Variants in BTBD8 observed in about 807,000 individuals in gnomAD.
The protein encoded by BTBD8 is BTB domain containing 8.
Under a neutral mutation model 162.9 loss-of-function variants are expected in BTBD8, and 110 were observed. The ratio of observed to expected loss-of-function variants is 0.68; its 90% CI spans 0.58 to 0.79. The LOEUF (loss-of-function observed/expected upper bound fraction) is 0.79, where lower values mean the gene tolerates loss of function less well. Ranked by LOEUF, BTBD8 falls within the 30% of genes least tolerant of loss-of-function variation. The probability of loss-of-function intolerance (pLI) is 0.00; values close to 1 mark genes in which losing one functional copy is unlikely to be tolerated. For missense variants in BTBD8, 1,905 were observed against 2,085.4 expected, an observed-to-expected ratio of 0.91 and a Z score of 1.68; for synonymous variants, 667 against 716.1, an observed-to-expected ratio of 0.93 and a Z score of 1.10.
In BTBD8 at chr1:92,182,495, A is replaced by G; in HGVS notation, c.4812A>G (p.Lys1604=). The stretch of plus-strand genomic sequence containing the variant: ...ACATACCAAAGAACAGCTCTACAAA[A>G]TCTCTAGACTCCTTTCGGAGTCAAG... The part of the protein sequence containing the change: ...NSDIPKNSST[K]SLDSFRSQVL... The change falls in exon 17 of 18, where the codon AAA becomes AAG. Residue 1604 remains lysine (K), a synonymous_variant. Transcript: ENST00000636805. 6.4e-7 allele frequency: 1 copy of G among 1,551,032 alleles called. No individual in the cohort carries two copies.
chr1:92,177,960 T>C, intron 15 of BTBD8, 62 bp downstream of exon 15: 1 of 722,174 alleles, frequency 1.4e-6, no homozygotes, highest in Non-Finnish European at 2.3e-6. Flanking sequence ...AATTATATAC[T>C]AACTGCTAGC....
At chr1:92,084,719 C>G (rs925175819) in intron 1 of BTBD8, among the ~76,000 whole-genome samples, 1 of 152,184 alleles carries the variant, frequency 6.6e-6, no homozygotes, top group Non-Finnish European at 1.5e-5. Context: ...TTTGCTGGCT[C>G]TGGGTCTCTT....
chr1:92,082,198 A>G (rs1648036829), intron 1 of BTBD8, among the ~76,000 whole-genome samples: 1 of 151,526 alleles, frequency 6.6e-6, no homozygotes. Context: ...TAAACAAAGA[A>G]AAATAGATGT....
chr1:92,169,928 A>G (rs1650488725), intron 12 of BTBD8, among the ~76,000 whole-genome samples: 1 of 152,180 alleles, frequency 6.6e-6, no homozygotes. Context: ...TATGAGAAGA[A>G]TCTCTTAGAA....
intron 5 of BTBD8, among the ~76,000 whole-genome samples, chr1:92,131,552 C>T (rs1414852262): frequency 1.3e-5 from 2 of 152,042 alleles, no homozygotes; most frequent in Non-Finnish European, 2.9e-5. Flanking sequence ...GGTGAAACCA[C>T]GTCTCTACTA....
chr1:92,096,293 CTT>C (rs1292683598), intron 2 of BTBD8, among the ~76,000 whole-genome samples: 1 of 152,154 alleles, frequency 6.6e-6, no homozygotes, highest in African/African-American at 2.4e-5. Flanking sequence ...CTTTTATCCT[CTT>C]ATGTCCTCAT....
At chr1:92,168,429 G>A (rs947558043) in intron 11 of BTBD8, among the ~76,000 whole-genome samples, 1 of 151,544 alleles carries the variant, frequency 6.6e-6, no homozygotes, top group African/African-American at 2.4e-5. Context: ...ATTAGGCTGG[G>A]AAGCAAAATT....
chr1:92,083,812 G>A (rs1255262216), intron 1 of BTBD8, among the ~76,000 whole-genome samples: 1 of 152,182 alleles, frequency 6.6e-6, no homozygotes, highest in East Asian at 1.9e-4. Flanking sequence ...ACAATTGATA[G>A]GCTTGGTGAC....
intron 4 of BTBD8, among the ~76,000 whole-genome samples, chr1:92,127,811 A>G (rs965385637): frequency 3.3e-5 from 5 of 152,050 alleles, no homozygotes; most frequent in Admixed American, 6.5e-5. Flanking sequence ...TCCGCCCGCC[A>G]TGGCCTCCCA....
intron 17 of BTBD8, 94 bp from the exon 18 acceptor site, chr1:92,183,770 T>TTTTACTTTC: frequency 1.8e-6 from 1 of 563,994 alleles, no homozygotes; most frequent in Non-Finnish European, 2.8e-6. Context: ...TTTTTTTTTT[T>TTTTACTTTC]GACTATCACT....
At chr1:92,135,171 G>A (rs1649604923) in intron 5 of BTBD8, among the ~76,000 whole-genome samples, 1 of 151,936 alleles carries the variant, frequency 6.6e-6, no homozygotes, top group African/African-American at 2.4e-5. Flanking sequence ...ATAGGCGTGA[G>A]CCACTGTGCC....
At chr1:92,164,288 A>G (rs1455112800) in intron 9 of BTBD8, among the ~76,000 whole-genome samples, 1 of 151,992 alleles carries the variant, frequency 6.6e-6, no homozygotes, top group Non-Finnish European at 1.5e-5. Context: ...AGAGTTCAAG[A>G]CCAGCCTGGA....
chr1:92,157,283 A>G (rs896443580), intron 9 of BTBD8, among the ~76,000 whole-genome samples: 14 of 152,110 alleles, frequency 9.2e-5, no homozygotes, highest in Non-Finnish European at 2.9e-5. Context: ...GATGCTTGGT[A>G]TGATTTCAGT....
intron 9 of BTBD8, among the ~76,000 whole-genome samples, chr1:92,164,651 C>A (rs927122016): frequency 6.7e-6 from 1 of 148,720 alleles, no homozygotes; most frequent in African/African-American, 2.4e-5. Flanking sequence ...GCACTCCTGC[C>A]TGGGTGACAG....
At position 92,126,585 on chromosome 1, in the gene BTBD8, T is replaced by C. The variant is rs1401812506; in HGVS notation, c.663-3102T>C. The C allele has an allele frequency of 4.3e-5, 17 of 398,710 alleles. No individual in the cohort carries two copies. The East Asian group carries it at 1.0e-3, about 23-fold the overall frequency. The allele number at this position is 398,710 out of a possible 1,614,324, so 24.7% of individuals were successfully genotyped here. ...CTGGCATCACAGCTTCTTGTCTGTT[T>C]ATATATTAAAAGTTGCACTTATTGT... On this transcript the variant is annotated intron_variant, in intron 4 of 17. Transcript: ENST00000636805.
intron 5 of BTBD8, among the ~76,000 whole-genome samples, chr1:92,138,019 A>G (rs949466014): frequency 1.3e-5 from 2 of 152,124 alleles, no homozygotes; most frequent in African/African-American, 4.8e-5. Flanking sequence ...GGCACTAGAG[A>G]AGCTTTTGGG....
chr1:92,086,195 C>T (rs1215921997), intron 1 of BTBD8, among the ~76,000 whole-genome samples: 3 of 152,114 alleles, frequency 2.0e-5, no homozygotes, highest in Non-Finnish European at 1.5e-5. Flanking sequence ...GTTTTATGCC[C>T]TGAGCCCCGG....
chr1:92,125,486 G>A, intron 4 of BTBD8: 1 of 321,040 alleles, frequency 3.1e-6, no homozygotes, highest in South Asian at 3.1e-5. Flanking sequence ...GAAGGAGGAG[G>A]CAAAACAAAT....
At chr1:92,142,627 A>G (rs1293826415) in intron 7 of BTBD8, among the ~76,000 whole-genome samples, 1 of 152,208 alleles carries the variant, frequency 6.6e-6, no homozygotes, top group Non-Finnish European at 1.5e-5. Flanking sequence ...CCGGTTACAC[A>G]TGGTCCACAG....
Sources: gnomAD v4.1 joint callset for allele counts (sites outside exome capture counted in the v4.1 genomes callset) on GRCh38, gnomAD v4.1.1 for gene constraint, MANE v1.5 for transcripts, NCBI Gene and HGNC (gene_info 2026-07-23, HGNC 2026-07-21) for gene names.